The following VPS13B variants were observed in gnomAD, a reference collection of about 807,000 sequenced individuals.
VPS13B encodes the protein vacuolar protein sorting 13 homolog B, also known as intermembrane lipid transfer protein VPS13B.
VPS13B carries 285 observed loss-of-function variants against 426.4 expected under a neutral mutation model. That is an observed-to-expected ratio of 0.67 (90% confidence interval 0.61 to 0.74). The LOEUF (loss-of-function observed/expected upper bound fraction) is 0.74. VPS13B is among the 30% of genes least tolerant of loss of function. The pLI is 0.00. For missense variants in VPS13B, 4,537 were observed against 4,782.6 expected (o/e 0.95, Z 1.51); for synonymous variants, 1,676 against 1,676.4 (o/e 1.00, Z 0.01).
chr8:99,205,684 G>A (rs944015960), intron 17 of VPS13B, among the ~76,000 whole-genome samples: 1 of 151,910 alleles, frequency 6.6e-6, no homozygotes, highest in Non-Finnish European at 1.5e-5. Flanking sequence ...TAATTTCATT[G>A]GCTTCTTACC....
chr8:99,852,364 A>G (rs1223555929), intron 55 of VPS13B, among the ~76,000 whole-genome samples: 2 of 152,372 alleles, frequency 1.3e-5, no homozygotes, highest in East Asian at 3.9e-4. Flanking sequence ...ATTTCAGGTC[A>G]TAAGACTGGA....
At chr8:99,440,757 A>T (rs1588382916) in intron 22 of VPS13B, among the ~76,000 whole-genome samples, 1 of 151,984 alleles carries the variant, frequency 6.6e-6, no homozygotes, top group East Asian at 1.9e-4. Context: ...TTTTGGCATG[A>T]TTTGAATTTT....
intron 15 of VPS13B, among the ~76,000 whole-genome samples, chr8:99,159,386 T>C (rs1052237544): frequency 1.3e-5 from 2 of 152,234 alleles, no homozygotes; most frequent in Admixed American, 6.5e-5. Flanking sequence ...TTTGAGAGGA[T>C]TGACTCCAAT....
At chr8:99,714,553 G>A (rs1197662004) in intron 36 of VPS13B, among the ~76,000 whole-genome samples, 1 of 152,158 alleles carries the variant, frequency 6.6e-6, no homozygotes, top group Non-Finnish European at 1.5e-5. Flanking sequence ...CAAGGGGAAA[G>A]TGTTAACTTT....
intron 3 of VPS13B, among the ~76,000 whole-genome samples, chr8:99,081,695 A>T (rs1845471115): frequency 6.6e-6 from 1 of 150,926 alleles, no homozygotes. Flanking sequence ...CCCACCTATG[A>T]GTGAGAACAT....
chr8:99,818,583 C>T (rs1554566498), intron 46 of VPS13B, 49 bp downstream of exon 46: 5 of 1,601,572 alleles, frequency 3.1e-6, no homozygotes, highest in South Asian at 1.1e-5. Context: ...CTGACCTTTC[C>T]TGTTCTGAAA....
At chr8:99,771,757 G>C (rs1811503852) in intron 40 of VPS13B, among the ~76,000 whole-genome samples, 1 of 152,130 alleles carries the variant, frequency 6.6e-6, no homozygotes, top group African/African-American at 2.4e-5. Flanking sequence ...GGCTACTTGG[G>C]TCTGCCCTTT....
chr8:99,284,657 C>T (rs1232124135), intron 19 of VPS13B, among the ~76,000 whole-genome samples: 1 of 151,878 alleles, frequency 6.6e-6, no homozygotes, highest in Non-Finnish European at 1.5e-5. Context: ...CCCAAGAGAT[C>T]CTCCTCCCTC....
intron 19 of VPS13B, among the ~76,000 whole-genome samples, chr8:99,301,479 G>T (rs1478479638): frequency 7.9e-5 from 12 of 151,848 alleles, no homozygotes; most frequent in Admixed American, 7.9e-4. Context: ...TAGTAGAGAT[G>T]GGGTTTCTCC....
rs191465662 is a variant in VPS13B, at chr8:99,327,232, G to A, written c.2824+51978G>A. Among the ~76,000 whole-genome samples the A allele has an allele frequency of 1.8e-4, 27 of 152,234 alleles. No individual in the cohort carries two copies. In the East Asian group the frequency reaches 3.5e-3, roughly 20 times the overall value. ...AACCTAATTGGGTAGAATGGCAACT[G>A]CAGGAAATTGAGTCATCCCAATTCA... On this transcript the variant is annotated intron_variant, in intron 19 of 61. Coordinates refer to ENST00000357162, the MANE Select transcript of VPS13B (RefSeq NM_152564.5).
At chr8:99,226,758 C>T (rs567925464) in intron 17 of VPS13B, among the ~76,000 whole-genome samples, 2 of 152,158 alleles carry the variant, frequency 1.3e-5, no homozygotes, top group East Asian at 1.9e-4. Context: ...TTTTTTAAAA[C>T]GGATACATAA....
intron 19 of VPS13B, among the ~76,000 whole-genome samples, chr8:99,312,392 T>G (rs1821037840): frequency 6.6e-6 from 1 of 152,152 alleles, no homozygotes; most frequent in Non-Finnish European, 1.5e-5. Flanking sequence ...AGCATTTGCT[T>G]GTCTGTAAAG....
At chr8:99,661,569 A>G in intron 35 of VPS13B, 78 bp downstream of exon 35, 1 of 1,534,306 alleles carries the variant, frequency 6.5e-7, no homozygotes, top group Non-Finnish European at 8.9e-7. Context: ...TCTGTTAGTA[A>G]TCTTGACATT....
chr8:99,103,475 A>T (rs1846871202), intron 5 of VPS13B, among the ~76,000 whole-genome samples: 1 of 144,678 alleles, frequency 6.9e-6, no homozygotes, highest in South Asian at 2.2e-4. Flanking sequence ...GACTACAGGC[A>T]CATGCTGCTA....
intron 23 of VPS13B, among the ~76,000 whole-genome samples, chr8:99,464,376 T>C (rs1219846151): frequency 6.6e-6 from 1 of 152,172 alleles, no homozygotes; most frequent in Non-Finnish European, 1.5e-5. Context: ...ACATACACTT[T>C]TTCCTGTAGT....
chr8:99,540,776 A>C (rs930501655), intron 30 of VPS13B, among the ~76,000 whole-genome samples: 24 of 152,146 alleles, frequency 1.6e-4, no homozygotes, highest in Non-Finnish European at 1.0e-4. Flanking sequence ...TTTCTTTTGT[A>C]ACCAAAATCT....
chr8:99,715,201 T>C (rs1246512546), intron 36 of VPS13B, among the ~76,000 whole-genome samples: 2 of 152,126 alleles, frequency 1.3e-5, no homozygotes, highest in Admixed American at 6.6e-5. Context: ...ATGTAAGCAG[T>C]TTTATTTCCT....
chr8:99,833,164 G>T (rs761135127), intron 52 of VPS13B, among the ~76,000 whole-genome samples: 1 of 152,202 alleles, frequency 6.6e-6, no homozygotes, highest in Non-Finnish European at 1.5e-5. Flanking sequence ...AGAAGACTCT[G>T]TTCTGTGGTC....
intron 19 of VPS13B, among the ~76,000 whole-genome samples, chr8:99,333,429 A>C (rs897423576): frequency 9.9e-5 from 15 of 151,856 alleles, no homozygotes; most frequent in Non-Finnish European, 1.5e-5. Flanking sequence ...AACATCTTAC[A>C]AAATTATAAT....
Sources: gnomAD v4.1 joint callset for allele counts (sites outside exome capture counted in the v4.1 genomes callset) on GRCh38, gnomAD v4.1.1 for gene constraint, MANE v1.5 for transcripts, NCBI Gene and HGNC (gene_info 2026-07-23, HGNC 2026-07-21) for gene names.